Variants in AKAP19 observed in about 807,000 individuals in gnomAD.
AKAP19 encodes small A-kinase anchoring protein.
At chr2:189,882,866 G>A in the AKAP19 span, among the ~76,000 whole-genome samples, 1 of 151,946 alleles carries the variant, frequency 6.6e-6, no homozygotes, top group Non-Finnish European at 1.5e-5. Context: ...AGGTTTGTCT[G>A]ATGTATTATA....
the AKAP19 span, among the ~76,000 whole-genome samples, chr2:189,987,661 A>C: frequency 6.6e-6 from 1 of 152,352 alleles, no homozygotes; most frequent in African/African-American, 2.4e-5. Context: ...GAGATGCCAT[A>C]AGTAAGGGGA....
chr2:190,188,123 T>TA, the AKAP19 span, among the ~76,000 whole-genome samples: 2 of 152,142 alleles, frequency 1.3e-5, no homozygotes, highest in African/African-American at 4.8e-5. Flanking sequence ...AGGGCACTGT[T>TA]AGATTTTAAT....
the AKAP19 span, among the ~76,000 whole-genome samples, chr2:190,196,476 G>C: frequency 6.8e-6 from 1 of 147,976 alleles, no homozygotes; most frequent in Non-Finnish European, 1.5e-5. Flanking sequence ...TACTTAAATA[G>C]CTACTTTAAA....
the AKAP19 span, among the ~76,000 whole-genome samples, chr2:190,146,083 A>G: frequency 6.6e-6 from 1 of 151,460 alleles, no homozygotes; most frequent in African/African-American, 2.4e-5. Flanking sequence ...GTGATTTGTA[A>G]GATTTTGGTG....
At chr2:189,923,717 G>A in the AKAP19 span, 4 of 1,613,728 alleles carry the variant, frequency 2.5e-6, no homozygotes, top group East Asian at 6.7e-5. Context: ...CAGTTACCCA[G>A]CACGTGTACC....
chr2:189,915,470 A>G, the AKAP19 span, among the ~76,000 whole-genome samples: 2 of 152,112 alleles, frequency 1.3e-5, no homozygotes, highest in Admixed American at 6.5e-5. Flanking sequence ...ACCCCATTTT[A>G]TATATGAAAA....
the AKAP19 span, among the ~76,000 whole-genome samples, chr2:190,083,850 A>G: frequency 6.6e-6 from 1 of 151,988 alleles, no homozygotes; most frequent in African/African-American, 2.4e-5. Flanking sequence ...TTCCTCAGAG[A>G]AGGTTTCTTT....
At chr2:189,880,907 G>A in the AKAP19 span, among the ~76,000 whole-genome samples, 3 of 152,044 alleles carry the variant, frequency 2.0e-5, no homozygotes, top group African/African-American at 4.8e-5. Flanking sequence ...GGAGCATTTC[G>A]GGCAAGCCAA....
At chr2:190,060,102 T>G in the AKAP19 span, 1 of 1,612,798 alleles carries the variant, frequency 6.2e-7, no homozygotes, top group East Asian at 2.2e-5. Context: ...TACAGCAAGA[T>G]CATGACCATT....
the AKAP19 span, among the ~76,000 whole-genome samples, chr2:190,067,379 G>A: frequency 6.6e-6 from 1 of 152,162 alleles, no homozygotes; most frequent in Non-Finnish European, 1.5e-5. Flanking sequence ...TATGCCCAAA[G>A]TAGTACTTTT....
chr2:189,976,565 G>T, the AKAP19 span, among the ~76,000 whole-genome samples: 5 of 152,256 alleles, frequency 3.3e-5, no homozygotes, highest in Non-Finnish European at 7.3e-5. Flanking sequence ...GCCATCTCCT[G>T]CCCCCTGAGG....
chr2:189,895,824 A>C, the AKAP19 span, among the ~76,000 whole-genome samples: 163 of 152,162 alleles, frequency 1.1e-3, 1 homozygote, highest in South Asian at 6.9e-3. Flanking sequence ...ATGAATAAGA[A>C]GAGAGGTGGG....
At chr2:190,100,638 G>A in the AKAP19 span, among the ~76,000 whole-genome samples, 1 of 152,188 alleles carries the variant, frequency 6.6e-6, no homozygotes, top group Non-Finnish European at 1.5e-5. Context: ...AATATGCACA[G>A]GGGTGAAGGA....
At chr2:190,106,026 A>G in the AKAP19 span, among the ~76,000 whole-genome samples, 494 of 152,386 alleles carry the variant, frequency 3.2e-3, 4 homozygotes, top group African/African-American at 0.011. Flanking sequence ...GTAAGAAAAA[A>G]GAAGTTAATT....
chr2:190,043,360 A>G, the AKAP19 span, among the ~76,000 whole-genome samples: 22 of 151,960 alleles, frequency 1.4e-4, no homozygotes, highest in Non-Finnish European at 2.8e-4. Context: ...CCTTTACATA[A>G]TGCCATACTT....
the AKAP19 span, among the ~76,000 whole-genome samples, chr2:190,168,849 C>A: frequency 6.6e-6 from 1 of 152,172 alleles, no homozygotes; most frequent in Non-Finnish European, 1.5e-5. Flanking sequence ...TGGGTCCAAG[C>A]CATTCAACAA....
chr2:190,133,174 C>T, the AKAP19 span, among the ~76,000 whole-genome samples: 1 of 131,430 alleles, frequency 7.6e-6, no homozygotes, highest in East Asian at 2.6e-4. Context: ...GGAGGCGGAG[C>T]TTGCAGTGGG....
chr2:189,925,828 C>G, the AKAP19 span, among the ~76,000 whole-genome samples: 4 of 152,030 alleles, frequency 2.6e-5, no homozygotes, highest in Non-Finnish European at 5.9e-5. Flanking sequence ...GAGAAAAAAT[C>G]AAGAAAATAT....
At chr2:190,149,032 C>T in the AKAP19 span, among the ~76,000 whole-genome samples, 714 of 150,284 alleles carry the variant, frequency 4.8e-3, 5 homozygotes, top group African/African-American at 0.017. Flanking sequence ...GGCACGATCT[C>T]GGCTCACTGC....
Sources: allele counts gnomAD v4.1 joint callset (sites outside exome capture counted in the v4.1 genomes callset), GRCh38; gene constraint gnomAD v4.1.1; transcripts MANE v1.5; gene names NCBI Gene and HGNC (gene_info 2026-07-23, HGNC 2026-07-21).